The following KPNA6 variants were observed in gnomAD, a reference collection of about 807,000 sequenced individuals.
KPNA6 encodes karyopherin subunit alpha 6.
Under a neutral mutation model 72.0 loss-of-function variants are expected in KPNA6, and 9 were observed. That is an observed-to-expected ratio of 0.13 (90% CI 0.08 to 0.22). The LOEUF is 0.22. Among genes scored for constraint, KPNA6 ranks in the 10% least tolerant of loss-of-function variants. KPNA6 has a pLI of 1.00. For synonymous variants in KPNA6, 219 were observed against 242.1 expected (o/e 0.90, Z 0.89); for missense variants, 374 against 655.7 (o/e 0.57, Z 4.69).
Position 32,116,174 on chromosome 1 carries a change from TTTTTC to T in KPNA6, c.4+8055_4+8059del, listed in dbSNP as rs1195901758. On this transcript the variant is annotated intron_variant, in intron 1 of 13. Transcript: ENST00000373625. The stretch of plus-strand genomic sequence containing the variant: ...TTATCCATATTGGCAATAAGGCTGT[TTTTTC>T]TTTTCTTTTCTTTTTTTTTTTTTTG... 3.8e-4 allele frequency among the ~76,000 whole-genome samples: 57 copies of T among 151,274 alleles called. No homozygotes were observed. The South Asian group carries it at 3.8e-3, about 10-fold the overall frequency.
intron 1 of KPNA6, among the ~76,000 whole-genome samples, chr1:32,125,900 A>ATT (rs35723292): frequency 0.22 from 33,584 of 149,418 alleles, 4,560 homozygotes; most frequent in Non-Finnish European, 0.3. Flanking sequence ...ATTAATTGAG[A>ATT]TTATATATAT....
At chr1:32,110,056 ATTTTTTTTTTT>A (rs750004100) in intron 1 of KPNA6, among the ~76,000 whole-genome samples, 1 of 118,308 alleles carries the variant, frequency 8.5e-6, no homozygotes, top group South Asian at 2.8e-4. Flanking sequence ...CTGGAATTGA[ATTTTTTTTTTT>A]TTTTTTTTTT....
chr1:32,122,995 A>G (rs931334351), intron 1 of KPNA6, among the ~76,000 whole-genome samples: 6 of 152,112 alleles, frequency 3.9e-5, no homozygotes, highest in African/African-American at 1.4e-4. Context: ...GTAAGGAGCA[A>G]AAAGGCAGTT....
intron 1 of KPNA6, among the ~76,000 whole-genome samples, chr1:32,140,431 A>T (rs1641817605): frequency 6.6e-6 from 1 of 152,194 alleles, no homozygotes; most frequent in Non-Finnish European, 1.5e-5. Context: ...TACATACTAA[A>T]GTAATTGGGC....
At chr1:32,133,749 TG>T (rs1243915802) in intron 1 of KPNA6, among the ~76,000 whole-genome samples, 4 of 152,058 alleles carry the variant, frequency 2.6e-5, no homozygotes, top group African/African-American at 9.7e-5. Context: ...ATTCTATATC[TG>T]GCCAGGCAGC....
At position 32,170,007 on chromosome 1, in the gene KPNA6, A is replaced by T; in HGVS notation, c.1370A>T (p.Lys457Met). ...CTGCGGCTTGGAGAGCAAGAGGGCA[A>T]GCGCAGTGGCTCAGGGGTCAATCCT... ...NILRLGEQEG[K>M]RSGSGVNPYC... The change falls in exon 13 of 14, where the codon AAG (lysine) becomes ATG (methionine). Residue 457 changes from lysine (K) to methionine (M), a missense_variant. Lys to Met is a moderately conservative substitution (Grantham distance 95, BLOSUM62 -1). Around this residue, in one of 3 missense-constraint regions of KPNA6, gnomAD observed 34 missense variants for 110.5 expected, o/e 0.31. Coordinates refer to ENST00000373625, the MANE Select transcript of KPNA6 (RefSeq NM_012316.5). 6.2e-7 allele frequency: 1 copy of T among 1,614,192 alleles called. No individual in the cohort carries two copies. The highest frequency in any genetic ancestry group is 8.5e-7 in the Non-Finnish European group (1 of 1,180,028).
At chr1:32,167,574 T>C (rs998867729) in intron 12 of KPNA6, among the ~76,000 whole-genome samples, 1 of 152,060 alleles carries the variant, frequency 6.6e-6, no homozygotes, top group African/African-American at 2.4e-5. Flanking sequence ...ATCCATCCTT[T>C]CTCTACCTTT....
chr1:32,149,903 A>T (rs1011896603), intron 1 of KPNA6, among the ~76,000 whole-genome samples: 1 of 152,080 alleles, frequency 6.6e-6, no homozygotes, highest in East Asian at 1.9e-4. Context: ...CCAGAACATT[A>T]AAAATGTTTT....
intron 1 of KPNA6, among the ~76,000 whole-genome samples, chr1:32,120,791 C>T (rs1265977877): frequency 6.6e-6 from 1 of 151,704 alleles, no homozygotes; most frequent in East Asian, 1.9e-4. Flanking sequence ...TGGTCTTGAA[C>T]ACCTGACCTC....
chr1:32,161,688 C>T (rs549805386), intron 7 of KPNA6, among the ~76,000 whole-genome samples: 8 of 152,340 alleles, frequency 5.3e-5, no homozygotes, highest in Admixed American at 3.9e-4. Flanking sequence ...AGAAGCTTTA[C>T]AGGCTTACTC....
rs573560987 is a variant in KPNA6, at chr1:32,152,560, G to A, written c.5-2028G>A. 2.6e-5 allele frequency among the ~76,000 whole-genome samples: 4 copies of A among 151,832 alleles called. 1 individual carries two copies. In the South Asian group the frequency reaches 6.3e-4, roughly 24 times the overall value. On this transcript the variant is annotated intron_variant, in intron 1 of 13. Coordinates refer to ENST00000373625, the MANE Select transcript of KPNA6 (RefSeq NM_012316.5). ...TAGAAAGGTAATATAGAAGTATAGT[G>A]TGGGGCCAGGCACGGTGGCTCACAC...
chr1:32,125,979 TAAAAAA>T (rs75504815), intron 1 of KPNA6, among the ~76,000 whole-genome samples: 6 of 98,978 alleles, frequency 6.1e-5, no homozygotes, highest in Middle Eastern at 5.3e-3. Context: ...CTATATTTAC[TAAAAAA>T]AAAAAAAAAA....
chr1:32,120,347 C>T (rs867793455), intron 1 of KPNA6, among the ~76,000 whole-genome samples: 2 of 144,942 alleles, frequency 1.4e-5, no homozygotes, highest in East Asian at 2.1e-4. Context: ...TTGGTTCAAG[C>T]GATTCTCCTG....
At chr1:32,163,438 A>G in intron 10 of KPNA6, 125 bp downstream of exon 10, 1 of 676,432 alleles carries the variant, frequency 1.5e-6, no homozygotes, top group South Asian at 1.6e-5. Flanking sequence ...GGTCTAAGGA[A>G]GTAAGTGTGG....
chr1:32,167,941 G>C (rs945766332), intron 12 of KPNA6, among the ~76,000 whole-genome samples: 1 of 152,116 alleles, frequency 6.6e-6, no homozygotes, highest in Non-Finnish European at 1.5e-5. Context: ...TGAAGCAGGA[G>C]GATCCTTTAA....
intron 1 of KPNA6, among the ~76,000 whole-genome samples, chr1:32,119,020 A>ATT (rs1557457142): frequency 1.4e-5 from 1 of 72,866 alleles, no homozygotes; most frequent in Non-Finnish European, 2.3e-5. Context: ...ATATATATAT[A>ATT]TATATATATA....
Position 32,162,483 on chromosome 1 carries a change from C to T in KPNA6, c.870C>T (p.Val290=), listed in dbSNP as rs1642256669. ...GCCCCAATGAGAAGATCCAGGCAGT[C>T]ATAGACTCCGGAGTCTGCCGGAGAT... ...SDGPNEKIQA[V]IDSGVCRRLV... The change falls in exon 9 of 14, where the codon GTC becomes GTT. Residue 290 remains valine, a synonymous_variant. Coordinates refer to ENST00000373625, the MANE Select transcript of KPNA6 (RefSeq NM_012316.5). 2 of 1,614,116 alleles carry T rather than the reference C, an allele frequency of 1.2e-6. No individual in the cohort carries two copies. Among genetic ancestry groups the T allele is most frequent in the Non-Finnish European group, 1.7e-6 (2 of 1,180,036 alleles).
chr1:32,123,974 C>T (rs1421169054), intron 1 of KPNA6, among the ~76,000 whole-genome samples: 9 of 134,382 alleles, frequency 6.7e-5, no homozygotes, highest in Non-Finnish European at 1.1e-4. Context: ...GTGGAGGTTG[C>T]AGTGAGCTGA....
At chr1:32,159,333 G>A in intron 5 of KPNA6, 67 bp from the exon 6 acceptor site, 1 of 1,560,214 alleles carries the variant, frequency 6.4e-7, no homozygotes. Flanking sequence ...ACTGTTCTGA[G>A]CCAGCTGATA....
Sources: allele counts gnomAD v4.1 joint callset (sites outside exome capture counted in the v4.1 genomes callset), GRCh38; gene constraint gnomAD v4.1.1; regional missense constraint gnomAD v4.1.1; transcripts MANE v1.5; gene names NCBI Gene and HGNC (gene_info 2026-07-23, HGNC 2026-07-21).